Variants in DNAJC3 observed in about 807,000 individuals in gnomAD.
DNAJC3 encodes DnaJ heat shock protein family (Hsp40) member C3.
DNAJC3 carries 38 observed loss-of-function variants against 68.6 expected under a neutral mutation model. The observed-to-expected ratio is 0.55, with a 90% CI of 0.43 to 0.73. The LOEUF (loss-of-function observed/expected upper bound fraction) is 0.73, where lower values mean the gene tolerates loss of function less well. Ranked by LOEUF, DNAJC3 falls within the 30% of genes least tolerant of loss-of-function variation. The pLI, the probability that DNAJC3 is intolerant of heterozygous loss-of-function variation, is 0.00. For missense variants in DNAJC3, 526 were observed against 591.9 expected (o/e 0.89, Z 1.16); for synonymous variants, 203 against 204.0 (o/e 1.00, Z 0.04).
At chr13:95,757,461 A>G in intron 4 of DNAJC3, among the ~76,000 whole-genome samples, 183 bp from the exon 5 acceptor site, 1 of 152,112 alleles carries the variant, frequency 6.6e-6, no homozygotes, top group East Asian at 1.9e-4. Context: ...CATGGACCAT[A>G]TCGGTAGAAA....
intron 4 of DNAJC3, among the ~76,000 whole-genome samples, chr13:95,734,995 A>G (rs1881856332): frequency 9.5e-6 from 1 of 105,266 alleles, no homozygotes; most frequent in African/African-American, 3.7e-5. Flanking sequence ...AACAGGCCCC[A>G]GAGTGTGATA....
chr13:95,683,493 C>T (rs1165125642), intron 1 of DNAJC3, among the ~76,000 whole-genome samples: 1 of 152,190 alleles, frequency 6.6e-6, no homozygotes, highest in African/African-American at 2.4e-5. Flanking sequence ...CTCTGTCTTC[C>T]TCCGGCTCTG....
At chr13:95,718,868 C>T (rs1881233864) in intron 2 of DNAJC3, among the ~76,000 whole-genome samples, 1 of 152,196 alleles carries the variant, frequency 6.6e-6, no homozygotes, top group South Asian at 2.1e-4. Context: ...ACAGATTCTT[C>T]AGCAGACAGC....
intron 1 of DNAJC3, among the ~76,000 whole-genome samples, chr13:95,689,916 G>T (rs1200121058): frequency 6.6e-6 from 1 of 151,452 alleles, no homozygotes; most frequent in Non-Finnish European, 1.5e-5. Flanking sequence ...GTTCCTTTTG[G>T]TATTGACTTC....
chr13:95,765,569 T>G (rs1258836587), intron 9 of DNAJC3, among the ~76,000 whole-genome samples: 2 of 144,762 alleles, frequency 1.4e-5, no homozygotes, highest in Non-Finnish European at 3.0e-5. Flanking sequence ...ATTGATCTGT[T>G]TTTTTTTTTT....
At chr13:95,708,106 T>C (rs1880820450) in intron 1 of DNAJC3, among the ~76,000 whole-genome samples, 1 of 152,058 alleles carries the variant, frequency 6.6e-6, no homozygotes, top group African/African-American at 2.4e-5. Flanking sequence ...CAGCAGGAAG[T>C]CCACCCCATG....
intron 4 of DNAJC3, chr13:95,744,928 C>T (rs1882257332): frequency 6.6e-6 from 1 of 152,084 alleles, no homozygotes; most frequent in Admixed American, 6.5e-5. Context: ...ATTGATAGGT[C>T]TTAAAGGAAA....
intron 2 of DNAJC3, among the ~76,000 whole-genome samples, chr13:95,717,850 G>T (rs1252053565): frequency 6.6e-6 from 1 of 152,184 alleles, no homozygotes; most frequent in Non-Finnish European, 1.5e-5. Context: ...AAAATACCCA[G>T]TCTTGGGTAT....
rs997713364 is a variant in DNAJC3 at position 95,793,911 on chromosome 13, C to T, written c.*2881C>T. The T allele has an allele frequency of 6.6e-6, 1 of 152,120 alleles. No individual in the cohort carries two copies. The highest frequency in any genetic ancestry group is 1.5e-5 in the Non-Finnish European group (1 of 68,048). 9.4% of individuals were successfully genotyped at this position (152,120 alleles called of 1,614,324 possible). ...TGTACTTTGTGGATATTTTGCCCAG[C>T]AGGAAGTATTAGACACATCAGTCTA... On this transcript the variant is annotated 3_prime_UTR_variant, in exon 12 of 12. Transcript: ENST00000602402.
chr13:95,714,145 C>T (rs1881061517), intron 2 of DNAJC3, among the ~76,000 whole-genome samples: 1 of 152,134 alleles, frequency 6.6e-6, no homozygotes, highest in Non-Finnish European at 1.5e-5. Flanking sequence ...GACATTGGTC[C>T]AGTTATGTAA....
chr13:95,725,442 C>T (rs974742731), intron 4 of DNAJC3, among the ~76,000 whole-genome samples, 190 bp downstream of exon 4: 4 of 152,154 alleles, frequency 2.6e-5, no homozygotes, highest in Non-Finnish European at 5.9e-5. Flanking sequence ...TGGCAGACAT[C>T]AAAGAATCCT....
chr13:95,738,442 T>G (rs1410384210), intron 4 of DNAJC3, among the ~76,000 whole-genome samples: 6 of 151,304 alleles, frequency 4.0e-5, no homozygotes, highest in Non-Finnish European at 7.4e-5. Context: ...CTCCCATTAT[T>G]AATGTGTGGG....
rs1883784003 is a variant in DNAJC3, at chr13:95,791,801, AGTG to A, written c.*777_*779del. ...TAGGTAAAATAAGTTCAGATAAAAT[AGTG>A]GTGGTATTTAAAATAATATTGCTGA... On this transcript the variant is annotated 3_prime_UTR_variant, in exon 12 of 12. Coordinates refer to ENST00000602402, the MANE Select transcript of DNAJC3 (RefSeq NM_006260.5). The A allele has an allele frequency of 1.3e-5, 2 of 152,240 alleles. No individual in the cohort carries two copies. Among genetic ancestry groups the A allele is most frequent in the South Asian group, 2.1e-4 (1 of 4,838 alleles). The allele number at this position is 152,240 out of a possible 1,614,324, so 9.4% of individuals were successfully genotyped here.
At chr13:95,781,430 G>T (rs893487859) in intron 9 of DNAJC3, among the ~76,000 whole-genome samples, 3 of 152,020 alleles carry the variant, frequency 2.0e-5, no homozygotes, top group Non-Finnish European at 4.4e-5. Context: ...CTTGCATTGT[G>T]GTTCTCTCTA....
At chr13:95,724,784 A>G (rs1881451797) in intron 3 of DNAJC3, among the ~76,000 whole-genome samples, 1 of 152,184 alleles carries the variant, frequency 6.6e-6, no homozygotes. Flanking sequence ...TAGTGTTTTC[A>G]AGGTTCATTC....
rs775865012 is a variant in DNAJC3 at position 95,725,301 on chromosome 13, C to T, written c.393+49C>T. 12 of 1,368,816 alleles carry T rather than the reference C, an allele frequency of 8.8e-6. No homozygotes were observed. The African/African-American group carries it at 1.0e-4, about 12-fold the overall frequency. The allele number at this position is 1,368,816 out of a possible 1,614,324, so 84.8% of individuals were successfully genotyped here. A position where few individuals can be genotyped will look rare whatever the true frequency, so the allele number is the denominator to read the frequency against. The stretch of plus-strand genomic sequence containing the variant: ...CTAGGAAGATGTTATTTTGAGAGAA[C>T]GTATTTGACCTTTTTTATATTATGA... On this transcript the variant is annotated intron_variant, in intron 4 of 11. Transcript: ENST00000602402.
chr13:95,742,867 A>T (rs1386168686), intron 4 of DNAJC3: 1 of 516,228 alleles, frequency 1.9e-6, no homozygotes, highest in Non-Finnish European at 3.9e-6. Context: ...ACGCCGTAGG[A>T]TCTAAAACTT....
At chr13:95,713,133 C>T (rs1167447726) in intron 2 of DNAJC3, among the ~76,000 whole-genome samples, 1 of 152,156 alleles carries the variant, frequency 6.6e-6, no homozygotes, top group Non-Finnish European at 1.5e-5. Context: ...AAGCCTCTTT[C>T]CTTTATAAAT....
In DNAJC3 at chr13:95,786,042, A is replaced by C. The variant is rs1337594439; in HGVS notation, c.1179A>C (p.Arg393=). 1 of 1,607,450 alleles carries C rather than the reference A, an allele frequency of 6.2e-7. No homozygotes were observed. Among genetic ancestry groups the C allele is most frequent in the Admixed American group, 1.7e-5 (1 of 58,610 alleles). The change falls in exon 10 of 12, where the codon CGA becomes CGC. Residue 393 remains arginine, a synonymous_variant. Coordinates refer to ENST00000602402, the MANE Select transcript of DNAJC3 (RefSeq NM_006260.5). ...AQRLLKQSQK[R]DYYKILGVKR... ...GATTATTGAAACAGTCGCAGAAACG[A>C]GATTATTATAAAATCTTGGGAGTAA...
Sources: gnomAD v4.1 joint callset for allele counts (sites outside exome capture counted in the v4.1 genomes callset) on GRCh38, gnomAD v4.1.1 for gene constraint, MANE v1.5 for transcripts, NCBI Gene and HGNC (gene_info 2026-07-23, HGNC 2026-07-21) for gene names.